MYO3B: variants seen among roughly 807,000 people sequenced by gnomAD.
MYO3B encodes the protein myosin-IIIb.
A neutral mutation model predicts 174.6 loss-of-function variants in MYO3B; 156 were observed. The observed-to-expected ratio is 0.89, with a 90% CI of 0.78 to 1.02. The LOEUF (loss-of-function observed/expected upper bound fraction) is 1.02, where lower values mean the gene tolerates loss of function less well. MYO3B is among the 50% of genes least tolerant of loss of function. MYO3B has a pLI of 0.00. For missense variants in MYO3B, 1,632 were observed against 1,639.4 expected (o/e 1.00, Z 0.08); for synonymous variants, 563 against 569.1 (o/e 0.99, Z 0.15).
At chr2:170,540,667 A>AC (rs946672385) in intron 30 of MYO3B, among the ~76,000 whole-genome samples, 2 of 150,292 alleles carry the variant, frequency 1.3e-5, no homozygotes, top group African/African-American at 5.0e-5. Context: ...AAAAACAACA[A>AC]AAAAAACAAA....
At chr2:170,347,737 T>C (rs1364096392) in intron 8 of MYO3B, among the ~76,000 whole-genome samples, 1 of 152,260 alleles carries the variant, frequency 6.6e-6, no homozygotes, top group Non-Finnish European at 1.5e-5. Flanking sequence ...CATGCGTGAA[T>C]ATGTGTGTTT....
At chr2:170,558,249 T>C (rs1158747001) in intron 32 of MYO3B, among the ~76,000 whole-genome samples, 2 of 150,856 alleles carry the variant, frequency 1.3e-5, no homozygotes, top group African/African-American at 2.4e-5. Context: ...TGCGGTGAGC[T>C]GAGATCGTAC....
chr2:170,243,641 T>C (rs1280949199), intron 7 of MYO3B, among the ~76,000 whole-genome samples: 1 of 152,220 alleles, frequency 6.6e-6, no homozygotes, highest in East Asian at 1.9e-4. Flanking sequence ...GAATATTTCA[T>C]AGTAAGCATT....
intron 30 of MYO3B, among the ~76,000 whole-genome samples, chr2:170,529,365 A>T (rs1362755598): frequency 0.013 from 1,940 of 151,960 alleles, 42 homozygotes; most frequent in African/African-American, 0.044. Flanking sequence ...TAAAAGTTAA[A>T]AAAAAAAAAA....
intron 32 of MYO3B, among the ~76,000 whole-genome samples, chr2:170,597,102 G>T (rs371924789): frequency 6.6e-6 from 1 of 152,014 alleles, no homozygotes; most frequent in African/African-American, 2.4e-5. Context: ...TGGGAAGTAG[G>T]CTCCATGTTG....
chr2:170,317,678 TA>T (rs1269822512), intron 7 of MYO3B, among the ~76,000 whole-genome samples: 1 of 152,164 alleles, frequency 6.6e-6, no homozygotes, highest in Admixed American at 6.5e-5. Flanking sequence ...CAAGGAGCCC[TA>T]ACCTTACTCA....
intron 3 of MYO3B, among the ~76,000 whole-genome samples, chr2:170,211,785 G>T (rs906333195): frequency 1.3e-5 from 2 of 152,192 alleles, no homozygotes; most frequent in African/African-American, 4.8e-5. Flanking sequence ...ATGGAGGCCT[G>T]CAGCAAAGTT....
chr2:170,587,426 C>T (rs894871820), intron 32 of MYO3B, among the ~76,000 whole-genome samples: 2 of 152,150 alleles, frequency 1.3e-5, no homozygotes, highest in African/African-American at 4.8e-5. Context: ...CATTGAGTGA[C>T]TGACCTCGAA....
At chr2:170,611,520 G>A (rs766509490) in intron 32 of MYO3B, among the ~76,000 whole-genome samples, 16 of 152,266 alleles carry the variant, frequency 1.1e-4, no homozygotes, top group Non-Finnish European at 1.8e-4. Context: ...GGGACAGTGG[G>A]GACAGTGGGA....
At position 170,515,020 on chromosome 2, in the gene MYO3B, AAGGT is replaced by A; in HGVS notation, c.3472+1_3472+4del. 1.9e-6 allele frequency: 3 copies of A among 1,613,456 alleles called. 1 individual carries two copies. The South Asian group carries it at 3.3e-5, about 18-fold the overall frequency. The stretch of plus-strand genomic sequence containing the variant: ...GACTGCAGCGAGCCTGGTGACCATA[AAGGT>A]AGAGTCTTTCGAGATTTAGAATGAG... On this transcript the variant is annotated splice_donor_variant and coding_sequence_variant, in exon 29 of 35. Coordinates refer to ENST00000408978, the MANE Select transcript of MYO3B (RefSeq NM_138995.5). LOFTEE classifies it high-confidence loss of function.
At chr2:170,615,450 G>T (rs1470454843) in intron 32 of MYO3B, among the ~76,000 whole-genome samples, 1 of 152,260 alleles carries the variant, frequency 6.6e-6, no homozygotes, top group Non-Finnish European at 1.5e-5. Context: ...GGAATGGCCA[G>T]TGCCAAGGTC....
At chr2:170,439,076 T>TG (rs1491104594) in intron 22 of MYO3B, among the ~76,000 whole-genome samples, 2 of 68,226 alleles carry the variant, frequency 2.9e-5, no homozygotes, top group South Asian at 6.6e-4. Flanking sequence ...ATTTAAATTG[T>TG]TTTTTTTTTT....
intron 10 of MYO3B, 133 bp downstream of exon 10, chr2:170,382,245 T>C (rs1451012006): frequency 1.5e-6 from 1 of 658,116 alleles, no homozygotes; most frequent in African/African-American, 1.8e-5. Context: ...TGGGATGAAG[T>C]TCAGGGAGCA....
chr2:170,329,106 C>T (rs1015903964), intron 7 of MYO3B, among the ~76,000 whole-genome samples: 5 of 151,504 alleles, frequency 3.3e-5, no homozygotes, highest in African/African-American at 9.7e-5. Flanking sequence ...GAGCCAAGAT[C>T]GCTCCATTGC....
chr2:170,387,063 A>G (rs753245775), intron 13 of MYO3B, 43 bp from the exon 14 acceptor site: 1 of 1,601,722 alleles, frequency 6.2e-7, no homozygotes, highest in Non-Finnish European at 8.5e-7. Context: ...TGCTGGTGTA[A>G]TGTTTCTGGA....
chr2:170,366,529 A>G (rs895773716), intron 8 of MYO3B, among the ~76,000 whole-genome samples: 8 of 152,142 alleles, frequency 5.3e-5, no homozygotes, highest in African/African-American at 1.7e-4. Context: ...CCTGGGCTCA[A>G]GAAATCCTCC....
At chr2:170,342,090 G>A (rs192646083) in intron 8 of MYO3B, 1 of 152,318 alleles carries the variant, frequency 6.6e-6, no homozygotes, top group Admixed American at 6.5e-5. Flanking sequence ...GCATAGTAAC[G>A]TGGGTAATCT....
intron 8 of MYO3B, among the ~76,000 whole-genome samples, chr2:170,361,017 G>T (rs1315392255): frequency 6.6e-6 from 1 of 152,188 alleles, no homozygotes; most frequent in Non-Finnish European, 1.5e-5. Context: ...CACTCATACT[G>T]CTAATTATCA....
chr2:170,444,905 G>C (rs962098649), intron 23 of MYO3B, among the ~76,000 whole-genome samples: 2 of 152,180 alleles, frequency 1.3e-5, no homozygotes, highest in Non-Finnish European at 2.9e-5. Flanking sequence ...AGGAGTTTCA[G>C]TGGTTCTGAT....
Sources: allele counts gnomAD v4.1 joint callset (sites outside exome capture counted in the v4.1 genomes callset), GRCh38; gene constraint gnomAD v4.1.1; transcripts MANE v1.5; gene names NCBI Gene and HGNC (gene_info 2026-07-23, HGNC 2026-07-21).